AKT3: variants seen among roughly 807,000 people sequenced by gnomAD.
AKT3 encodes the protein RAC-gamma serine/threonine-protein kinase.
A neutral mutation model predicts 65.3 loss-of-function variants in AKT3; 15 were observed. The ratio of observed to expected loss-of-function variants is 0.23; its 90% confidence interval spans 0.15 to 0.35. The LOEUF (loss-of-function observed/expected upper bound fraction) is 0.35, where lower values mean the gene tolerates loss of function less well. Ranked by LOEUF, AKT3 falls within the 10% of genes least tolerant of loss-of-function variation. AKT3 has a pLI of 1.00. For synonymous variants in AKT3, 206 were observed against 183.8 expected, an observed-to-expected ratio of 1.12 and a Z score of -0.98; for missense variants, 243 against 576.5, an observed-to-expected ratio of 0.42 and a Z score of 5.92.
intron 2 of AKT3, among the ~76,000 whole-genome samples, chr1:243,817,071 G>A (rs1403475183): frequency 6.6e-6 from 1 of 152,188 alleles, no homozygotes; most frequent in Non-Finnish European, 1.5e-5. Flanking sequence ...AATCCAGGAT[G>A]ACCTGCTAGA....
chr1:243,604,028 TGGGATTACA>T (rs1006617648), intron 8 of AKT3, among the ~76,000 whole-genome samples: 2 of 151,662 alleles, frequency 1.3e-5, no homozygotes, highest in Non-Finnish European at 2.9e-5. Flanking sequence ...CCCAAGTAGC[TGGGATTACA>T]GGCATGCGCC....
chr1:243,497,677 AT>A (rs1198497148), downstream of AKT3, among the ~76,000 whole-genome samples: 4 of 152,052 alleles, frequency 2.6e-5, no homozygotes, highest in Non-Finnish European at 4.4e-5. Flanking sequence ...TCCGCAACAC[AT>A]TTTACTTTTA....
At chr1:243,512,634 TG>T (rs1297013516) in intron 12 of AKT3, among the ~76,000 whole-genome samples, 2 of 152,112 alleles carry the variant, frequency 1.3e-5, no homozygotes, top group African/African-American at 4.8e-5. Flanking sequence ...TAAAATCTAA[TG>T]GATCACGAAA....
intron 10 of AKT3, among the ~76,000 whole-genome samples, chr1:243,560,492 G>A (rs564974508): frequency 8.5e-5 from 13 of 152,096 alleles, no homozygotes; most frequent in Middle Eastern, 3.4e-3. Context: ...TTACAATTTC[G>A]TAAGTTGTTT....
chr1:243,545,438 A>G (rs1013851690), intron 12 of AKT3, 72 bp downstream of exon 12: 34 of 856,572 alleles, frequency 4.0e-5, no homozygotes, highest in Middle Eastern at 4.9e-4. Context: ...TTCACTTAAA[A>G]TATTTTTGCT....
chr1:243,625,387 C>T (rs1241801346), intron 6 of AKT3, among the ~76,000 whole-genome samples: 1 of 151,586 alleles, frequency 6.6e-6, no homozygotes, highest in African/African-American at 2.4e-5. Context: ...CCCGACTTGG[C>T]CTCCCAACGT....
intron 9 of AKT3, among the ~76,000 whole-genome samples, chr1:243,568,727 C>T (rs1674353231): frequency 6.6e-6 from 1 of 152,112 alleles, no homozygotes; most frequent in Admixed American, 6.6e-5. Flanking sequence ...TTACATTTCA[C>T]AGTAAAATAA....
chr1:243,681,522 G>A (rs992225705), intron 3 of AKT3, among the ~76,000 whole-genome samples: 5 of 151,992 alleles, frequency 3.3e-5, no homozygotes, highest in South Asian at 2.1e-4. Flanking sequence ...ACCCATCTAC[G>A]ACATCTATAT....
At position 243,508,681 on chromosome 1, in the gene AKT3, T is replaced by TA. The variant is rs1553391738; in HGVS notation, c.1355-3348dup. ...TTTTTTTTTTTTTTTTTTTTTTTTT[T>TA]AAAAGACAGAGTCTTGCTCTGTCAC... On this transcript the variant is annotated intron_variant, in intron 13 of 13. Coordinates refer to ENST00000673466, the MANE Select transcript of AKT3 (RefSeq NM_005465.7). 1.7e-4 allele frequency among the ~76,000 whole-genome samples: 22 copies of TA among 130,152 alleles called. No individual in the cohort carries two copies. The South Asian group carries it at 2.0e-3, about 12-fold the overall frequency. 85.4% of individuals were successfully genotyped at this position (130,152 alleles called of 152,430 possible).
chr1:243,575,986 G>A (rs1158239325), intron 8 of AKT3, among the ~76,000 whole-genome samples: 1 of 152,050 alleles, frequency 6.6e-6, no homozygotes, highest in Non-Finnish European at 1.5e-5. Flanking sequence ...GATTGGTTAG[G>A]ATCTTTACTA....
At chr1:243,622,000 C>G (rs1368145741) in intron 6 of AKT3, among the ~76,000 whole-genome samples, 1 of 152,174 alleles carries the variant, frequency 6.6e-6, no homozygotes, top group Non-Finnish European at 1.5e-5. Context: ...AGTCTATTGT[C>G]AACACTGCAG....
chr1:243,656,836 G>C (rs979076276), intron 4 of AKT3, among the ~76,000 whole-genome samples: 4 of 152,170 alleles, frequency 2.6e-5, no homozygotes, highest in Admixed American at 6.6e-5. Flanking sequence ...AAAGAAAAAT[G>C]ACCTTTGTCT....
intron 2 of AKT3, among the ~76,000 whole-genome samples, chr1:243,812,768 C>T (rs1693247698): frequency 6.6e-6 from 1 of 152,036 alleles, no homozygotes; most frequent in South Asian, 2.1e-4. Flanking sequence ...CTGGAACCAA[C>T]CCAAATGTCC....
At chr1:243,816,121 T>C (rs2148410791) in intron 2 of AKT3, among the ~76,000 whole-genome samples, 1 of 152,286 alleles carries the variant, frequency 6.6e-6, no homozygotes, top group Middle Eastern at 3.4e-3. Context: ...GGCTTGCTCA[T>C]ATGATGGAAA....
At chr1:243,728,389 C>A (rs905707333) in intron 2 of AKT3, among the ~76,000 whole-genome samples, 2 of 152,192 alleles carry the variant, frequency 1.3e-5, no homozygotes, top group African/African-American at 4.8e-5. Flanking sequence ...CTGTGACAGG[C>A]AATAAACTCT....
At chr1:243,544,719 T>TA (rs1672548153) in intron 12 of AKT3, among the ~76,000 whole-genome samples, 4 of 151,354 alleles carry the variant, frequency 2.6e-5, no homozygotes, top group Admixed American at 2.0e-4. Flanking sequence ...TTTTTTTTTT[T>TA]AAGAGATTGG....
intron 9 of AKT3, 38 bp downstream of exon 9, chr1:243,572,888 G>A (rs749612648): frequency 6.3e-7 from 1 of 1,575,248 alleles, no homozygotes; most frequent in Non-Finnish European, 8.6e-7. Flanking sequence ...TATAGTCTCT[G>A]CAAAAACAAA....
intron 12 of AKT3, among the ~76,000 whole-genome samples, chr1:243,536,562 T>C (rs1671948025): frequency 6.6e-6 from 1 of 152,218 alleles, no homozygotes; most frequent in Non-Finnish European, 1.5e-5. Flanking sequence ...TTTTGTGTCA[T>C]TTGATGATTA....
intron 3 of AKT3, among the ~76,000 whole-genome samples, chr1:243,683,805 A>G (rs987716459): frequency 6.6e-6 from 1 of 152,140 alleles, no homozygotes; most frequent in African/African-American, 2.4e-5. Flanking sequence ...AACAATCCCC[A>G]TTGCATCCTC....
Sources: gnomAD v4.1 joint callset for allele counts (sites outside exome capture counted in the v4.1 genomes callset) on GRCh38, gnomAD v4.1.1 for gene constraint, MANE v1.5 for transcripts, NCBI Gene and HGNC (gene_info 2026-07-23, HGNC 2026-07-21) for gene names.